The following WDFY1 variants were observed in gnomAD, a reference collection of about 807,000 sequenced individuals.
The protein encoded by WDFY1 is WD repeat and FYVE domain-containing protein 1.
In WDFY1, 32 loss-of-function variants were observed where a neutral mutation model predicts 56.4. The observed-to-expected ratio is 0.57, with a 90% confidence interval of 0.43 to 0.76. WDFY1 has a LOEUF of 0.76. Among genes scored for constraint, WDFY1 ranks in the 30% least tolerant of loss-of-function variants. WDFY1 has a pLI of 0.00. For synonymous variants in WDFY1, 192 were observed against 197.3 expected, an observed-to-expected ratio of 0.97 and a Z score of 0.23; for missense variants, 480 against 545.7, an observed-to-expected ratio of 0.88 and a Z score of 1.20.
rs1001917847 is a variant in WDFY1 at position 223,909,857 on chromosome 2, TG to T, written c.279+2395del. Among the ~76,000 whole-genome samples the T allele has an allele frequency of 1.1e-4, 17 of 152,210 alleles. 1 individual carries two copies. The highest frequency in any genetic ancestry group is 4.1e-4 in the African/African-American group (17 of 41,460). On this transcript the variant is annotated intron_variant, in intron 3 of 11. Transcript: ENST00000233055. ...CCGCCACTCTGGCCGTGCCTCAATC[TG>T]TTCTCTACCCAGTAGCTAGGGTGAT...
chr2:223,941,823 G>A (rs1574785533), intron 1 of WDFY1, among the ~76,000 whole-genome samples: 1 of 152,170 alleles, frequency 6.6e-6, no homozygotes, highest in Non-Finnish European at 1.5e-5. Flanking sequence ...TGAAGAACGT[G>A]ACACGTATTT....
intron 1 of WDFY1, among the ~76,000 whole-genome samples, chr2:223,940,737 G>C (rs1447859438): frequency 6.6e-6 from 1 of 151,952 alleles, no homozygotes; most frequent in Non-Finnish European, 1.5e-5. Context: ...CCGCCTCCCA[G>C]GTTCAAGTGA....
At chr2:223,929,182 GTTTTTTGT>G (rs200773868) in intron 1 of WDFY1, among the ~76,000 whole-genome samples, 42,860 of 100,210 alleles carry the variant, frequency 0.43, 7,249 homozygotes, top group Non-Finnish European at 0.54. Flanking sequence ...TTTTCTTTCT[GTTTTTTGT>G]TTTTTTTTTT....
chr2:223,939,662 G>T (rs1016422187), intron 1 of WDFY1, among the ~76,000 whole-genome samples: 2 of 152,132 alleles, frequency 1.3e-5, no homozygotes, highest in Non-Finnish European at 2.9e-5. Context: ...GATCTCCTGA[G>T]ACTTACTCAC....
At chr2:223,885,897 G>A (rs73994411) in intron 8 of WDFY1, among the ~76,000 whole-genome samples, 2,484 of 152,258 alleles carry the variant, frequency 0.016, 73 homozygotes, top group African/African-American at 0.056. Flanking sequence ...CTCTGGTACT[G>A]GAACTCTTGG....
At chr2:223,912,675 C>T (rs1334388326) in intron 2 of WDFY1, among the ~76,000 whole-genome samples, 1 of 152,132 alleles carries the variant, frequency 6.6e-6, no homozygotes, top group African/African-American at 2.4e-5. Flanking sequence ...GGTCATCCCG[C>T]CCCTGCCACC....
At chr2:223,892,028 G>C (rs1213518764) in intron 8 of WDFY1, among the ~76,000 whole-genome samples, 2 of 152,062 alleles carry the variant, frequency 1.3e-5, no homozygotes, top group African/African-American at 4.8e-5. Flanking sequence ...AGGTTGGAGC[G>C]CAGTGGTGCA....
At chr2:223,923,643 C>T (rs1029139784) in intron 1 of WDFY1, among the ~76,000 whole-genome samples, 1 of 152,090 alleles carries the variant, frequency 6.6e-6, no homozygotes, top group Non-Finnish European at 1.5e-5. Flanking sequence ...CACCTGTAGT[C>T]CCAGCTACTC....
At chr2:223,932,211 C>G (rs966741017) in intron 1 of WDFY1, among the ~76,000 whole-genome samples, 10 of 151,182 alleles carry the variant, frequency 6.6e-5, no homozygotes, top group African/African-American at 2.2e-4. Context: ...CAAGCTCCAC[C>G]TCCTGGGTTC....
chr2:223,905,902 A>AT, intron 4 of WDFY1, 45 bp downstream of exon 4: 1 of 1,311,792 alleles, frequency 7.6e-7, no homozygotes, highest in Non-Finnish European at 1.0e-6. Flanking sequence ...AGTTTTGTGT[A>AT]TGTCTACATG....
intron 4 of WDFY1, among the ~76,000 whole-genome samples, chr2:223,903,679 CTCACT>C: frequency 6.8e-6 from 1 of 146,778 alleles, no homozygotes; most frequent in African/African-American, 2.5e-5. Context: ...GGGACAGGAT[CTCACT>C]CTGTTGCCCA....
At position 223,905,992 on chromosome 2, in the gene WDFY1, C is replaced by T. The variant is rs368619722; in HGVS notation, c.289G>A (p.Val97Ile). The stretch of plus-strand genomic sequence containing the variant: ...TTCATTTTATTAAAATCTTCAGAAA[C>T]GTGAAATTCCTAAAAGCAAATGCAC... ...QDNGAVMEFH[V>I]SEDFNKMNFI... Residue 97 changes from valine to isoleucine, a missense_variant, in exon 4 of 12, where the codon GTT (valine) becomes ATT (isoleucine). Val to Ile is a conservative substitution (Grantham distance 29). Coordinates refer to ENST00000233055, the MANE Select transcript of WDFY1 (RefSeq NM_020830.5). The T allele has an allele frequency of 1.1e-5, 18 of 1,572,706 alleles. No homozygotes were observed. Among genetic ancestry groups the T allele is most frequent in the East Asian group, 6.8e-5 (3 of 44,306 alleles).
chr2:223,882,646 A>G (rs1559161742), intron 9 of WDFY1, among the ~76,000 whole-genome samples: 1 of 152,214 alleles, frequency 6.6e-6, no homozygotes. Flanking sequence ...TTAACAACAA[A>G]TTTAGTTCAT....
chr2:223,891,315 G>A (rs1693272163), intron 8 of WDFY1, among the ~76,000 whole-genome samples: 1 of 135,914 alleles, frequency 7.4e-6, no homozygotes, highest in African/African-American at 2.8e-5. Flanking sequence ...ACTAGGATGC[G>A]AAGGTTGCAG....
chr2:223,914,992 A>C lies in WDFY1; in HGVS notation c.206-2666T>G, dbSNP rs536599389. Among the ~76,000 whole-genome samples, 4 of 152,346 alleles carry C rather than the reference A, an allele frequency of 2.6e-5. No homozygotes were observed. The South Asian group carries it at 8.3e-4, about 32-fold the overall frequency. ...AAAGTTTAAATTGGTGGATATAACC[A>C]CTAAGACATCCTAAATTGGATAATC... On this transcript the variant is annotated intron_variant, in intron 2 of 11. Coordinates refer to ENST00000233055, the MANE Select transcript of WDFY1 (RefSeq NM_020830.5).
rs1036653897 is a variant in WDFY1, at chr2:223,882,176, G to A, written c.934-104C>T. On this transcript the variant is annotated intron_variant, in intron 9 of 11. Transcript: ENST00000233055. ...GTCACCCAGGCTGGAGTGCAGTGGC[G>A]TGATCTCGGCTCACTGCAACCTCTG... 3.3e-5 allele frequency: 46 copies of A among 1,405,832 alleles called. No individual in the cohort carries two copies. The East Asian group carries it at 3.9e-4, about 12-fold the overall frequency. 87.1% of individuals were successfully genotyped at this position (1,405,832 alleles called of 1,614,324 possible). A position where few individuals can be genotyped will look rare whatever the true frequency, so the allele number is the denominator to read the frequency against.
chr2:223,899,048 C>T lies in WDFY1; in HGVS notation c.508G>A (p.Ala170Thr), dbSNP rs1467090591. Reference protein sequence around the residue: ...CLQYDFDTQYAFVGDYSGQIT... With the variant: ...CLQYDFDTQYTFVGDYSGQIT... Reference sequence around the variant, plus strand: ...TGCCCAGAATAATCACCAACGAAAGCATACTGAGTGTCAAAGTCATATCTG... The same window carrying T: ...TGCCCAGAATAATCACCAACGAAAGTATACTGAGTGTCAAAGTCATATCTG... The change falls in exon 6 of 12, where the codon GCT (alanine) becomes ACT (threonine). Residue 170 changes from alanine to threonine, a missense_variant. Coordinates refer to ENST00000233055, the MANE Select transcript of WDFY1 (RefSeq NM_020830.5). 6.2e-7 allele frequency: 1 copy of T among 1,613,986 alleles called. No individual in the cohort carries two copies. The highest frequency in any genetic ancestry group is 1.3e-5 in the African/African-American group (1 of 74,920).
At chr2:223,898,164 A>G (rs1471860983) in intron 6 of WDFY1, among the ~76,000 whole-genome samples, 2 of 152,082 alleles carry the variant, frequency 1.3e-5, no homozygotes, top group Non-Finnish European at 2.9e-5. Flanking sequence ...AACCCACTGC[A>G]CTACAGAAAT....
chr2:223,926,234 C>T (rs1438070361), intron 1 of WDFY1, among the ~76,000 whole-genome samples: 1 of 152,166 alleles, frequency 6.6e-6, no homozygotes, highest in South Asian at 2.1e-4. Context: ...GCAACCTATG[C>T]TTCCCAGGCT....
Sources: gnomAD v4.1 joint callset for allele counts (sites outside exome capture counted in the v4.1 genomes callset) on GRCh38, gnomAD v4.1.1 for gene constraint, MANE v1.5 for transcripts, NCBI Gene and HGNC (gene_info 2026-07-23, HGNC 2026-07-21) for gene names.